REDIC1: variants seen among roughly 807,000 people sequenced by gnomAD.
The protein encoded by REDIC1 is regulator of DNA class I crossover intermediates 1, also known as HEI10 Interacting Protein 1.
chr12:39,831,966 G>T, the REDIC1 span, among the ~76,000 whole-genome samples: 6 of 152,052 alleles, frequency 3.9e-5, no homozygotes, highest in Non-Finnish European at 8.8e-5. Flanking sequence ...AACAAAAACA[G>T]ACTAACACAA....
At chr12:39,724,472 C>T in the REDIC1 span, among the ~76,000 whole-genome samples, 1 of 152,080 alleles carries the variant, frequency 6.6e-6, no homozygotes, top group African/African-American at 2.4e-5. Flanking sequence ...ATAACCAACA[C>T]TTCCCTTCTT....
chr12:39,637,345 T>C, the REDIC1 span, among the ~76,000 whole-genome samples: 1 of 152,064 alleles, frequency 6.6e-6, no homozygotes, highest in Non-Finnish European at 1.5e-5. Flanking sequence ...TGTACATATT[T>C]CTTTAAAAAT....
chr12:39,753,167 A>C, the REDIC1 span, among the ~76,000 whole-genome samples: 269 of 152,272 alleles, frequency 1.8e-3, no homozygotes, highest in African/African-American at 5.9e-3. Context: ...TGATGATCTG[A>C]AATTAGTTTT....
At chr12:39,775,965 G>T in the REDIC1 span, among the ~76,000 whole-genome samples, 1 of 152,172 alleles carries the variant, frequency 6.6e-6, no homozygotes, top group South Asian at 2.1e-4. Flanking sequence ...AAAAAGCTTG[G>T]AATTTTGGAG....
chr12:39,646,934 T>C, the REDIC1 span: 1 of 1,245,252 alleles, frequency 8.0e-7, no homozygotes, highest in South Asian at 1.4e-5. Flanking sequence ...GCAATTGTGA[T>C]ATGCTACCTA....
At chr12:39,893,305 T>G in the REDIC1 span, among the ~76,000 whole-genome samples, 15 of 152,200 alleles carry the variant, frequency 9.9e-5, no homozygotes, top group Non-Finnish European at 2.2e-4. Flanking sequence ...TTATAGCTCT[T>G]TTCTTTTCTT....
chr12:39,809,096 A>G, the REDIC1 span, among the ~76,000 whole-genome samples: 1 of 152,114 alleles, frequency 6.6e-6, no homozygotes, highest in East Asian at 1.9e-4. Flanking sequence ...AGGGTGTAAG[A>G]GTTGAGGTCC....
chr12:39,775,765 A>G, the REDIC1 span, among the ~76,000 whole-genome samples: 1 of 152,196 alleles, frequency 6.6e-6, no homozygotes, highest in Non-Finnish European at 1.5e-5. Flanking sequence ...AAGGTAATTT[A>G]TTACTTAATG....
At chr12:39,792,655 G>C in the REDIC1 span, among the ~76,000 whole-genome samples, 3 of 152,080 alleles carry the variant, frequency 2.0e-5, no homozygotes, top group Non-Finnish European at 4.4e-5. Context: ...ACATACTCAA[G>C]TCCTGCAGTT....
the REDIC1 span, among the ~76,000 whole-genome samples, chr12:39,834,150 CTT>C: frequency 6.6e-6 from 1 of 152,066 alleles, no homozygotes; most frequent in African/African-American, 2.4e-5. Context: ...TCACATAAAA[CTT>C]TGGTTAAATA....
At chr12:39,800,334 G>A in the REDIC1 span, among the ~76,000 whole-genome samples, 21 of 152,148 alleles carry the variant, frequency 1.4e-4, no homozygotes, top group East Asian at 1.9e-3. Context: ...GATTGAATTC[G>A]CAACCTACTC....
chr12:39,829,908 G>T, the REDIC1 span: 1 of 680,498 alleles, frequency 1.5e-6, no homozygotes, highest in Non-Finnish European at 2.4e-6. Context: ...GTCTAGGCCT[G>T]AGTGCTTTCT....
the REDIC1 span, chr12:39,684,962 G>C: frequency 6.7e-7 from 1 of 1,495,222 alleles, no homozygotes; most frequent in South Asian, 1.2e-5. Flanking sequence ...TCTCAATTAA[G>C]TCAGTTTGTA....
the REDIC1 span, among the ~76,000 whole-genome samples, chr12:39,898,428 C>T: frequency 2.0e-5 from 3 of 152,016 alleles, no homozygotes; most frequent in Non-Finnish European, 4.4e-5. Flanking sequence ...GTAAAATAAC[C>T]AGTGTTTGTG....
chr12:39,694,782 G>A, the REDIC1 span, among the ~76,000 whole-genome samples: 2 of 152,122 alleles, frequency 1.3e-5, no homozygotes, highest in African/African-American at 4.8e-5. Flanking sequence ...CTAAGGGAGT[G>A]TGGCAATCAC....
chr12:39,662,460 T>C, the REDIC1 span, among the ~76,000 whole-genome samples: 50 of 152,190 alleles, frequency 3.3e-4, no homozygotes, highest in African/African-American at 1.1e-3. Context: ...GTATACATAT[T>C]CTACTGATGT....
At chr12:39,677,046 A>G in the REDIC1 span, among the ~76,000 whole-genome samples, 2 of 151,416 alleles carry the variant, frequency 1.3e-5, no homozygotes, top group Non-Finnish European at 2.9e-5. Flanking sequence ...AAAAACACCA[A>G]GATATCCAGG....
chr12:39,903,976 T>C, the REDIC1 span, among the ~76,000 whole-genome samples: 2 of 152,218 alleles, frequency 1.3e-5, no homozygotes, highest in Admixed American at 1.3e-4. Flanking sequence ...TCAGATTTCC[T>C]GCAGCTACCT....
At chr12:39,777,842 C>A in the REDIC1 span, among the ~76,000 whole-genome samples, 1 of 152,342 alleles carries the variant, frequency 6.6e-6, no homozygotes, top group African/African-American at 2.4e-5. Context: ...ACCTTGCACT[C>A]ATTCTCCAAG....
Sources: allele counts gnomAD v4.1 joint callset (sites outside exome capture counted in the v4.1 genomes callset), GRCh38; gene constraint gnomAD v4.1.1; transcripts MANE v1.5; gene names NCBI Gene and HGNC (gene_info 2026-07-23, HGNC 2026-07-21).